CNTNAP2: variants seen among roughly 807,000 people sequenced by gnomAD.
CNTNAP2 encodes contactin associated protein 2, also known as contactin-associated protein-like 2.
Under a neutral mutation model 155.2 loss-of-function variants are expected in CNTNAP2, and 98 were observed. The observed-to-expected ratio is 0.63, with a 90% CI of 0.54 to 0.75. The LOEUF (loss-of-function observed/expected upper bound fraction) is 0.75, where lower values mean the gene tolerates loss of function less well. CNTNAP2 is among the 30% of genes least tolerant of loss of function. The pLI is 0.00. For synonymous variants in CNTNAP2, 651 were observed against 631.2 expected (o/e 1.03, Z -0.47); for missense variants, 1,727 against 1,688.1 (o/e 1.02, Z -0.40).
At chr7:146,314,048 G>GTT (rs1563034108) in intron 1 of CNTNAP2, among the ~76,000 whole-genome samples, 2 of 152,104 alleles carry the variant, frequency 1.3e-5, no homozygotes, top group East Asian at 3.8e-4. Flanking sequence ...TATTTCTAGT[G>GTT]ATATGGGGTC....
At chr7:146,458,623 G>T (rs993166653) in intron 1 of CNTNAP2, among the ~76,000 whole-genome samples, 5 of 152,268 alleles carry the variant, frequency 3.3e-5, no homozygotes, top group African/African-American at 1.2e-4. Context: ...TTCATTTTGT[G>T]TGCCAACTTG....
chr7:146,945,948 G>C (rs1341400284), intron 3 of CNTNAP2, among the ~76,000 whole-genome samples: 1 of 152,072 alleles, frequency 6.6e-6, no homozygotes, highest in Admixed American at 6.6e-5. Flanking sequence ...CTCCTGCCTA[G>C]ATTGCCACCA....
At chr7:146,584,358 A>G (rs1001646990) in intron 1 of CNTNAP2, among the ~76,000 whole-genome samples, 16 of 152,210 alleles carry the variant, frequency 1.1e-4, no homozygotes, top group African/African-American at 3.9e-4. Context: ...TGCCTAGCGC[A>G]TAGGAAAACT....
At chr7:147,213,012 C>A (rs1228952447) in intron 8 of CNTNAP2, among the ~76,000 whole-genome samples, 5 of 152,098 alleles carry the variant, frequency 3.3e-5, no homozygotes, top group Admixed American at 6.6e-5. Flanking sequence ...AGAAACATAA[C>A]CAACAGAATG....
In CNTNAP2 at chr7:147,656,330, C is replaced by A. The variant is rs146842983; in HGVS notation, c.2098+17024C>A. Among the ~76,000 whole-genome samples the A allele has an allele frequency of 4.2e-3, 637 of 152,288 alleles. 7 individuals are homozygous for A. Among genetic ancestry groups the A allele is most frequent in the African/African-American group, 0.014 (580 of 41,554 alleles). On this transcript the variant is annotated intron_variant, in intron 13 of 23. Transcript: ENST00000361727. Reference sequence around the variant, plus strand: ...ATTCACAACTTTGCTAGCTGTTTGGCGCAAGAGGGTTAGCTTCCAGCCTAT... The same window carrying A: ...ATTCACAACTTTGCTAGCTGTTTGGAGCAAGAGGGTTAGCTTCCAGCCTAT...
At chr7:146,856,994 T>A (rs1159996327) in intron 3 of CNTNAP2, among the ~76,000 whole-genome samples, 2 of 152,140 alleles carry the variant, frequency 1.3e-5, no homozygotes. Flanking sequence ...CCTAAAGACA[T>A]AATTGGGTCA....
chr7:146,901,027 G>GTAGTAA, intron 3 of CNTNAP2, among the ~76,000 whole-genome samples: 1 of 130,178 alleles, frequency 7.7e-6, no homozygotes, highest in Non-Finnish European at 1.7e-5. Context: ...TCTGATTAAA[G>GTAGTAA]TAGTAATAAT....
At chr7:146,260,028 T>C (rs1027245632) in intron 1 of CNTNAP2, among the ~76,000 whole-genome samples, 29 of 152,326 alleles carry the variant, frequency 1.9e-4, no homozygotes, top group African/African-American at 7.0e-4. Flanking sequence ...TGGTGCCCTG[T>C]GTCCCAGCCA....
chr7:146,626,296 A>G (rs1440890791), intron 1 of CNTNAP2, among the ~76,000 whole-genome samples: 1 of 152,114 alleles, frequency 6.6e-6, no homozygotes, highest in Non-Finnish European at 1.5e-5. Context: ...TGCTTAATTA[A>G]TGGTATTGAA....
At chr7:147,327,904 C>T (rs982694196) in intron 9 of CNTNAP2, among the ~76,000 whole-genome samples, 3 of 152,040 alleles carry the variant, frequency 2.0e-5, no homozygotes, top group Non-Finnish European at 1.5e-5. Flanking sequence ...AAGCCGTTAT[C>T]AGCCACCAAT....
chr7:147,482,249 G>A (rs1435691257), intron 10 of CNTNAP2, among the ~76,000 whole-genome samples: 1 of 152,048 alleles, frequency 6.6e-6, no homozygotes, highest in Non-Finnish European at 1.5e-5. Context: ...TAGGAAAGGG[G>A]TAGCTAGGTT....
At chr7:147,608,890 C>A (rs1039481750) in intron 12 of CNTNAP2, among the ~76,000 whole-genome samples, 3 of 152,008 alleles carry the variant, frequency 2.0e-5, no homozygotes, top group Admixed American at 2.0e-4. Flanking sequence ...GGGGGTTGTT[C>A]TCTGGCAGGC....
chr7:148,155,770 G>A (rs867680249), intron 17 of CNTNAP2, among the ~76,000 whole-genome samples: 2 of 152,174 alleles, frequency 1.3e-5, no homozygotes, highest in Admixed American at 6.5e-5. Flanking sequence ...GTCTAGGGTG[G>A]AATGGAGGGG....
chr7:146,832,546 T>C (rs1803533457), intron 2 of CNTNAP2, among the ~76,000 whole-genome samples: 1 of 147,954 alleles, frequency 6.8e-6, no homozygotes, highest in African/African-American at 2.4e-5. Context: ...TCAATATACA[T>C]TATACTATGT....
intron 10 of CNTNAP2, among the ~76,000 whole-genome samples, chr7:147,482,845 G>T (rs1490377521): frequency 1.3e-5 from 2 of 151,906 alleles, no homozygotes; most frequent in Admixed American, 6.6e-5. Context: ...CCGGAGTTCG[G>T]CACCAGCCTG....
intron 15 of CNTNAP2, among the ~76,000 whole-genome samples, chr7:148,002,398 A>C (rs1423412077): frequency 6.6e-6 from 1 of 152,014 alleles, no homozygotes; most frequent in East Asian, 1.9e-4. Context: ...TATGACCCTC[A>C]TTGCTAGAAA....
intron 11 of CNTNAP2, among the ~76,000 whole-genome samples, chr7:147,534,290 G>C (rs1346201379): frequency 6.6e-6 from 1 of 152,224 alleles, no homozygotes; most frequent in Non-Finnish European, 1.5e-5. Context: ...CAAAACGTCA[G>C]TGGTGCTGAG....
chr7:147,370,117 T>TA (rs1050192764), intron 9 of CNTNAP2, among the ~76,000 whole-genome samples: 3 of 150,296 alleles, frequency 2.0e-5, no homozygotes, highest in East Asian at 3.9e-4. Flanking sequence ...GTCACTCACT[T>TA]ATATGTGCAT....
At chr7:148,236,665 A>ATT (rs1273619821) in intron 20 of CNTNAP2, among the ~76,000 whole-genome samples, 8 of 152,238 alleles carry the variant, frequency 5.3e-5, no homozygotes, top group African/African-American at 1.9e-4. Flanking sequence ...CTATAAAGAA[A>ATT]TACCTGAGAC....
Sources: gnomAD v4.1 joint callset for allele counts (sites outside exome capture counted in the v4.1 genomes callset) on GRCh38, gnomAD v4.1.1 for gene constraint, MANE v1.5 for transcripts, NCBI Gene and HGNC (gene_info 2026-07-23, HGNC 2026-07-21) for gene names.